The following ZNF248 variants were observed in gnomAD, a reference collection of about 807,000 sequenced individuals.
ZNF248 encodes KRAB protein domain.
Under a neutral mutation model 44.3 loss-of-function variants are expected in ZNF248, and 20 were observed. The observed-to-expected ratio is 0.45, with a 90% CI of 0.32 to 0.66. ZNF248 has a LOEUF of 0.66. Ranked by LOEUF, ZNF248 falls within the 30% of genes least tolerant of loss-of-function variation. The probability of loss-of-function intolerance (pLI) is 0.04; values close to 1 mark genes in which losing one functional copy is unlikely to be tolerated. For synonymous variants in ZNF248, 224 were observed against 229.0 expected, an observed-to-expected ratio of 0.98 and a Z score of 0.20; for missense variants, 654 against 677.0, an observed-to-expected ratio of 0.97 and a Z score of 0.38.
chr10:37,822,217 T>C (rs1456502369), intron 6 of ZNF248, among the ~76,000 whole-genome samples: 1 of 152,202 alleles, frequency 6.6e-6, no homozygotes, highest in Non-Finnish European at 1.5e-5. Context: ...GGACATGGTC[T>C]GGAGCGGTCT....
chr10:37,777,933 C>T (rs1206758660), intron 6 of ZNF248, among the ~76,000 whole-genome samples: 4 of 151,964 alleles, frequency 2.6e-5, no homozygotes, highest in African/African-American at 9.7e-5. Context: ...TCCAGTCTAT[C>T]ATTGTTGGAC....
rs2055341354 is a variant in ZNF248 at position 37,830,526 on chromosome 10, C to A, written c.*1089G>T. The A allele has an allele frequency of 3.0e-6, 3 of 985,374 alleles. No individual in the cohort carries two copies. The highest frequency in any genetic ancestry group is 9.4e-5 in the South Asian group (2 of 21,284). 61.0% of individuals were successfully genotyped at this position (985,374 alleles called of 1,614,324 possible). On this transcript the variant is annotated 3_prime_UTR_variant, in exon 6 of 6. Transcript: ENST00000395867. Reference sequence around the variant, plus strand: ...CTTCTTTCTTGAAGACGTGGTTCAGCTGTAAATGGCCATAGCCATTTATTT... The same window carrying A: ...CTTCTTTCTTGAAGACGTGGTTCAGATGTAAATGGCCATAGCCATTTATTT...
In ZNF248 at chr10:37,832,619, C is replaced by T. The variant is rs764120518; in HGVS notation, c.736G>A (p.Glu246Lys). 1.6e-5 allele frequency: 26 copies of T among 1,613,148 alleles called. No individual in the cohort carries two copies. The highest frequency in any genetic ancestry group is 3.3e-4 in the Middle Eastern group (2 of 6,084). The change falls in exon 6 of 6, where the codon GAA (glutamate) becomes AAA (lysine). Residue 246 changes from glutamate to lysine, a missense_variant. Coordinates refer to ENST00000395867, the MANE Select transcript of ZNF248 (RefSeq NM_021045.3). ...CTTTCAATGAAGGTTCTTCCACATT[C>T]GTTATATTTACAGACTGTCTCTCCT... Reference protein sequence around the residue: ...QIGETVCKYNECGRTFIESLK... With the variant: ...QIGETVCKYNKCGRTFIESLK...
At chr10:37,815,828 G>A (rs1400416299) in intron 6 of ZNF248, among the ~76,000 whole-genome samples, 1 of 151,950 alleles carries the variant, frequency 6.6e-6, no homozygotes, top group Non-Finnish European at 1.5e-5. Flanking sequence ...AATAGTTACA[G>A]GGTGTCTGCA....
At chr10:37,815,057 CTTCAT>C (rs2052209392) in intron 6 of ZNF248, among the ~76,000 whole-genome samples, 1 of 151,102 alleles carries the variant, frequency 6.6e-6, no homozygotes, top group Non-Finnish European at 1.5e-5. Context: ...CTTAGGCTTT[CTTCAT>C]TTTTTTTTCA....
downstream of ZNF248, among the ~76,000 whole-genome samples, chr10:37,827,823 C>A (rs1443292510): frequency 1.3e-5 from 2 of 152,140 alleles, no homozygotes; most frequent in African/African-American, 4.8e-5. Flanking sequence ...AGCAATAGTT[C>A]CACATTTCCC....
intron 3 of ZNF248, among the ~76,000 whole-genome samples, chr10:37,845,067 G>A (rs1287309208): frequency 1.4e-5 from 1 of 72,510 alleles, no homozygotes; most frequent in African/African-American, 5.8e-5. Context: ...TCAGGCTGGA[G>A]TTCAATGGCT....
At chr10:37,855,631 CCAAA>C (rs914617517) in intron 3 of ZNF248, among the ~76,000 whole-genome samples, 84 of 152,306 alleles carry the variant, frequency 5.5e-4, no homozygotes, top group African/African-American at 1.8e-3. Flanking sequence ...AGGAGACTCT[CCAAA>C]CAAAGACCAT....
In ZNF248 at chr10:37,832,299, A is replaced by AT; in HGVS notation, c.1055dup (p.Tyr352Ter). The AT allele has an allele frequency of 6.2e-7, 1 of 1,614,052 alleles. No individual in the cohort carries two copies. The highest frequency in any genetic ancestry group is 8.5e-7 in the Non-Finnish European group (1 of 1,179,948). ...HQIVHMGGKS[Y>*]DYNENGSNFS... Reference sequence around the variant, plus strand: ...AATTACTCCCATTTTCATTGTAATCATAAGACTTTCCCCCCATGTGTACTA... The same window carrying AT: ...AATTACTCCCATTTTCATTGTAATCATTAAGACTTTCCCCCCATGTGTACTA... The change falls in exon 6 of 6, where the codon TAT (tyrosine) becomes TAAT (stop). Residue 352 changes from tyrosine to a stop codon, truncating the protein, a stop_gained and frameshift_variant. Coordinates refer to ENST00000395867, the MANE Select transcript of ZNF248 (RefSeq NM_021045.3). LOFTEE classifies it high-confidence loss of function.
At chr10:37,845,577 C>T (rs888119448) in intron 3 of ZNF248, among the ~76,000 whole-genome samples, 1 of 151,792 alleles carries the variant, frequency 6.6e-6, no homozygotes, top group South Asian at 2.1e-4. Flanking sequence ...ATTCTATATA[C>T]AGCAAAAATA....
the ZNF248 span, among the ~76,000 whole-genome samples, chr10:37,766,056 C>T: frequency 5.3e-5 from 8 of 152,346 alleles, no homozygotes; most frequent in Middle Eastern, 0.01. Context: ...AGCAACGCTG[C>T]GGGAGGGGCG....
intron 5 of ZNF248, 96 bp downstream of exon 5, chr10:37,837,521 C>T (rs1157528428): frequency 9.9e-7 from 1 of 1,005,852 alleles, no homozygotes; most frequent in African/African-American, 1.6e-5. Context: ...TAAAAAGAGA[C>T]ATTTGTGAAA....
chr10:37,824,566 T>C (rs1218766574), downstream of ZNF248, among the ~76,000 whole-genome samples: 1 of 151,590 alleles, frequency 6.6e-6, no homozygotes, highest in South Asian at 2.1e-4. Context: ...ATACTTGATA[T>C]GGAAATATAA....
the ZNF248 span, among the ~76,000 whole-genome samples, chr10:37,768,194 A>T: frequency 6.6e-6 from 1 of 152,178 alleles, no homozygotes; most frequent in Non-Finnish European, 1.5e-5. Flanking sequence ...TTAACACCCC[A>T]CTGACAACAT....
At chr10:37,848,947 T>C (rs1329856236) in intron 3 of ZNF248, among the ~76,000 whole-genome samples, 2 of 152,262 alleles carry the variant, frequency 1.3e-5, no homozygotes, top group East Asian at 3.9e-4. Flanking sequence ...ACTAGATATT[T>C]GAGGAAAAGC....
At chr10:37,799,232 T>TA (rs1392096444) in intron 6 of ZNF248, among the ~76,000 whole-genome samples, 1 of 151,628 alleles carries the variant, frequency 6.6e-6, no homozygotes, top group Non-Finnish European at 1.5e-5. Flanking sequence ...TAATATATAA[T>TA]AAAAAACCTA....
intron 6 of ZNF248, among the ~76,000 whole-genome samples, chr10:37,779,938 C>T (rs1291685993): frequency 1.3e-5 from 2 of 150,742 alleles, no homozygotes; most frequent in South Asian, 4.2e-4. Flanking sequence ...GAATAAAATA[C>T]CTAGGAATCC....
intron 3 of ZNF248, among the ~76,000 whole-genome samples, chr10:37,850,493 A>G (rs2060041336): frequency 6.6e-6 from 1 of 152,238 alleles, no homozygotes; most frequent in Non-Finnish European, 1.5e-5. Flanking sequence ...AGCTAAAGCA[A>G]CTATGAAGAA....
chr10:37,846,377 C>A (rs888632536), intron 3 of ZNF248, among the ~76,000 whole-genome samples: 3 of 152,130 alleles, frequency 2.0e-5, no homozygotes, highest in Admixed American at 2.0e-4. Context: ...CTCATTCCTG[C>A]AATCCCAGCA....
Sources: allele counts gnomAD v4.1 joint callset (sites outside exome capture counted in the v4.1 genomes callset), GRCh38; gene constraint gnomAD v4.1.1; transcripts MANE v1.5; gene names NCBI Gene and HGNC (gene_info 2026-07-23, HGNC 2026-07-21).